The following GLIPR1L1 variants were observed in gnomAD, a reference collection of about 807,000 sequenced individuals.
GLIPR1L1 encodes GLIPR1-like protein 1.
In GLIPR1L1, 26 loss-of-function variants were observed where a neutral mutation model predicts 29.9. That is an observed-to-expected ratio of 0.87 (90% CI 0.64 to 1.21). The LOEUF (loss-of-function observed/expected upper bound fraction) is 1.21. GLIPR1L1 is among the 50% of genes most tolerant of loss of function. The probability of loss-of-function intolerance (pLI) is 0.00; values close to 1 mark genes in which losing one functional copy is unlikely to be tolerated. For missense variants in GLIPR1L1, 305 were observed against 290.3 expected (o/e 1.05, Z -0.37); for synonymous variants, 77 against 97.5 (o/e 0.79, Z 1.24).
intron 3 of GLIPR1L1, among the ~76,000 whole-genome samples, chr12:75,352,300 G>A (rs2042868785): frequency 6.6e-6 from 1 of 152,156 alleles, no homozygotes; most frequent in African/African-American, 2.4e-5. Context: ...TCAAAGGGAT[G>A]GAGGAAAATT....
intron 3 of GLIPR1L1, among the ~76,000 whole-genome samples, chr12:75,361,622 C>T (rs2043599171): frequency 6.6e-6 from 1 of 152,188 alleles, no homozygotes. Context: ...CCTCAGGAAA[C>T]TTACAATCAT....
At chr12:75,369,790 G>C (rs112255840) in intron 4 of GLIPR1L1, 170 bp from the exon 5 acceptor site, 1 of 982,856 alleles carries the variant, frequency 1.0e-6, no homozygotes, top group Non-Finnish European at 1.2e-6. Flanking sequence ...AGGAAGCATC[G>C]TAAAGAGTTT....
At chr12:75,345,915 T>C (rs994855454) in intron 2 of GLIPR1L1, among the ~76,000 whole-genome samples, 1 of 152,218 alleles carries the variant, frequency 6.6e-6, no homozygotes, top group Non-Finnish European at 1.5e-5. Flanking sequence ...TATTGGCTAG[T>C]TTACACACAA....
intron 3 of GLIPR1L1, among the ~76,000 whole-genome samples, chr12:75,348,758 G>C (rs947577960): frequency 2.6e-5 from 4 of 152,074 alleles, no homozygotes; most frequent in African/African-American, 9.7e-5. Flanking sequence ...CAAGTGGTAG[G>C]GACCAATATA....
At chr12:75,347,379 T>C (rs1417347207) in intron 2 of GLIPR1L1, among the ~76,000 whole-genome samples, 1 of 152,252 alleles carries the variant, frequency 6.6e-6, no homozygotes, top group East Asian at 1.9e-4. Flanking sequence ...TTATATATTA[T>C]ATTATCCTTT....
At chr12:75,345,175 CATAACT>C (rs1319682848) in intron 2 of GLIPR1L1, among the ~76,000 whole-genome samples, 3 of 152,200 alleles carry the variant, frequency 2.0e-5, no homozygotes, top group African/African-American at 7.2e-5. Flanking sequence ...ATCAGACTCT[CATAACT>C]ATGAGAGTGT....
At chr12:75,368,630 A>G (rs1376878745) in intron 4 of GLIPR1L1, among the ~76,000 whole-genome samples, 1 of 151,880 alleles carries the variant, frequency 6.6e-6, no homozygotes, top group African/African-American at 2.4e-5. Flanking sequence ...TATTTTTAGA[A>G]TTGTGCTTGG....
intron 1 of GLIPR1L1, among the ~76,000 whole-genome samples, chr12:75,341,597 C>A (rs1221220589): frequency 6.6e-6 from 1 of 151,892 alleles, no homozygotes; most frequent in Admixed American, 6.6e-5. Flanking sequence ...CAGGCGCCCG[C>A]CACCACGCCC....
intron 1 of GLIPR1L1, among the ~76,000 whole-genome samples, chr12:75,340,844 C>T (rs960425655): frequency 2.6e-5 from 4 of 151,162 alleles, no homozygotes; most frequent in African/African-American, 9.7e-5. Flanking sequence ...ACATCATTAG[C>T]CATTAGTGAA....
chr12:75,365,368 A>G (rs560626814), intron 4 of GLIPR1L1: 1 of 152,284 alleles, frequency 6.6e-6, no homozygotes, highest in South Asian at 2.1e-4. Flanking sequence ...TTAGAACAGA[A>G]AAAGGAAACT....
intron 1 of GLIPR1L1, among the ~76,000 whole-genome samples, chr12:75,339,082 T>C (rs2041927592): frequency 6.6e-6 from 1 of 152,242 alleles, no homozygotes; most frequent in Non-Finnish European, 1.5e-5. Context: ...TGTATGCTTA[T>C]AATAGAATGA....
At chr12:75,349,622 GA>G (rs2042673369) in intron 3 of GLIPR1L1, among the ~76,000 whole-genome samples, 1 of 152,062 alleles carries the variant, frequency 6.6e-6, no homozygotes, top group South Asian at 2.1e-4. Flanking sequence ...GCAAAGATAT[GA>G]AAAATATTAA....
intron 1 of GLIPR1L1, among the ~76,000 whole-genome samples, chr12:75,339,354 T>C (rs2041949210): frequency 6.6e-6 from 1 of 152,226 alleles, no homozygotes; most frequent in Non-Finnish European, 1.5e-5. Context: ...TGCTAACTGA[T>C]GTTGAGCTTT....
intron 3 of GLIPR1L1, among the ~76,000 whole-genome samples, chr12:75,359,402 T>C (rs1293018356): frequency 7.1e-6 from 1 of 140,722 alleles, no homozygotes; most frequent in African/African-American, 2.6e-5. Context: ...AATTGATCTA[T>C]GAATTCAAGA....
intron 3 of GLIPR1L1, among the ~76,000 whole-genome samples, chr12:75,356,757 A>G (rs948798307): frequency 6.6e-5 from 10 of 152,186 alleles, no homozygotes; most frequent in African/African-American, 2.4e-4. Flanking sequence ...AAATTGCACA[A>G]TTGGCTAAGA....
At chr12:75,349,192 C>A (rs1486935863) in intron 3 of GLIPR1L1, among the ~76,000 whole-genome samples, 1 of 152,164 alleles carries the variant, frequency 6.6e-6, no homozygotes, top group East Asian at 1.9e-4. Flanking sequence ...GGACACAGTT[C>A]TTGGCACTCA....
chr12:75,369,985 C>A lies in GLIPR1L1; in HGVS notation c.636C>A (p.Asn212Lys), dbSNP rs370758207. 1.9e-6 allele frequency: 2 copies of A among 1,077,356 alleles called. No individual in the cohort carries two copies. The highest frequency in any genetic ancestry group is 1.4e-5 in the South Asian group (1 of 70,338). The allele number at this position is 1,077,356 out of a possible 1,614,324, so 66.7% of individuals were successfully genotyped here. A position where few individuals can be genotyped will look rare whatever the true frequency, so the allele number is the denominator to read the frequency against. Residue 212 changes from asparagine (N) to lysine (K), a missense_variant and splice_region_variant, in exon 5 of 6, where the codon AAC becomes AAA. Asn to Lys is a moderately conservative substitution (Grantham distance 94). Coordinates refer to ENST00000378695, the MANE Select transcript of GLIPR1L1 (RefSeq NM_001304964.2). ...LCRTPQLIIP[N>K]QNPFLKPTGR... ...GGACTCCACAACTTATTATACCTAA[C>A]CGTATGTATCAAAATATTTTAGTAT...
intron 1 of GLIPR1L1, among the ~76,000 whole-genome samples, chr12:75,341,183 C>G (rs780231480): frequency 2.4e-4 from 37 of 152,146 alleles, no homozygotes; most frequent in Admixed American, 5.2e-4. Context: ...ACTCCCGATT[C>G]AATGCTCTTG....
In GLIPR1L1 at chr12:75,343,904, T is replaced by G. The variant is rs143052259; in HGVS notation, c.386T>G (p.Leu129Arg). The change falls in exon 2 of 6, where the codon CTA becomes CGA. Residue 129 changes from leucine to arginine, a missense_variant. By Grantham distance (102) the Leu-to-Arg change is moderately radical. Coordinates refer to ENST00000378695, the MANE Select transcript of GLIPR1L1 (RefSeq NM_001304964.2). Reference protein sequence around the residue: ...NETQFYDFDSLSCSRVCGHYT... With the variant: ...NETQFYDFDSRSCSRVCGHYT... Reference sequence around the variant, plus strand: ...ACCCAATTTTATGATTTTGATAGTCTATCATGCTCCAGAGTCTGTGGCCAT... The same window carrying G: ...ACCCAATTTTATGATTTTGATAGTCGATCATGCTCCAGAGTCTGTGGCCAT... The G allele has an allele frequency of 6.2e-7, 1 of 1,611,430 alleles. No individual in the cohort carries two copies. Among genetic ancestry groups the G allele is most frequent in the Non-Finnish European group, 8.5e-7 (1 of 1,177,880 alleles).
Sources: gnomAD v4.1 joint callset for allele counts (sites outside exome capture counted in the v4.1 genomes callset) on GRCh38, gnomAD v4.1.1 for gene constraint, MANE v1.5 for transcripts, NCBI Gene and HGNC (gene_info 2026-07-23, HGNC 2026-07-21) for gene names.